Variants in MYCBP2 observed in about 807,000 individuals in gnomAD.
MYCBP2 encodes the protein MYC binding protein 2, also known as E3 ubiquitin-protein ligase MYCBP2.
Under a neutral mutation model 525.3 loss-of-function variants are expected in MYCBP2, and 120 were observed. That is an observed-to-expected ratio of 0.23 (90% CI 0.20 to 0.27). The LOEUF is 0.27. Among genes scored for constraint, MYCBP2 ranks in the 10% least tolerant of loss-of-function variants. MYCBP2 has a pLI of 1.00. For synonymous variants in MYCBP2, 1,894 were observed against 1,955.8 expected, an observed-to-expected ratio of 0.97 and a Z score of 0.83; for missense variants, 4,149 against 5,657.1, an observed-to-expected ratio of 0.73 and a Z score of 8.55.
chr13:77,255,587 C>T (rs1416162019), intron 14 of MYCBP2, among the ~76,000 whole-genome samples: 1 of 151,822 alleles, frequency 6.6e-6, no homozygotes, highest in Non-Finnish European at 1.5e-5. Flanking sequence ...CAGTTATTAT[C>T]CAAAACAAGT....
intron 62 of MYCBP2, among the ~76,000 whole-genome samples, chr13:77,084,956 T>A (rs756041484): frequency 1.3e-5 from 2 of 151,958 alleles, no homozygotes; most frequent in Non-Finnish European, 2.9e-5. Flanking sequence ...TTCCCAATTG[T>A]GGGGCTTACC....
At chr13:77,200,093 T>C (rs1179983392) in intron 26 of MYCBP2, among the ~76,000 whole-genome samples, 1 of 152,084 alleles carries the variant, frequency 6.6e-6, no homozygotes, top group Admixed American at 6.6e-5. Flanking sequence ...CAAATTACTC[T>C]GAGCTACGGG....
intron 80 of MYCBP2, among the ~76,000 whole-genome samples, chr13:77,055,306 T>C (rs2037720786): frequency 6.6e-6 from 1 of 152,132 alleles, no homozygotes; most frequent in Non-Finnish European, 1.5e-5. Context: ...CAACAGGTTA[T>C]TACTGATGGG....
intron 2 of MYCBP2, among the ~76,000 whole-genome samples, chr13:77,288,838 A>C (rs917099201): frequency 1.3e-5 from 2 of 152,162 alleles, no homozygotes; most frequent in Admixed American, 1.3e-4. Context: ...AAAAACACTT[A>C]ATTTTCATCA....
intron 21 of MYCBP2, among the ~76,000 whole-genome samples, chr13:77,215,361 G>T (rs1309712102): frequency 6.6e-6 from 1 of 152,088 alleles, no homozygotes; most frequent in African/African-American, 2.4e-5. Context: ...GGTGGGAGGG[G>T]AAAGAGCAAG....
chr13:77,097,467 C>T lies in MYCBP2; in HGVS notation c.9687G>A (p.Gln3229=), dbSNP rs751868128. 1 of 1,613,526 alleles carries T rather than the reference C, an allele frequency of 6.2e-7. No homozygotes were observed. The highest frequency in any genetic ancestry group is 1.3e-5 in the African/African-American group (1 of 75,018). Residue 3229 remains glutamine (Q), a synonymous_variant, in exon 56 of 83, where the codon CAG becomes CAA. Transcript: ENST00000544440. The part of the protein sequence containing the change: ...PRGNLFGEMA[Q]LAVGGPEKDT... Reference sequence around the variant, plus strand: ...CTTTCTCTGGTCCTCCTACTGCCAGCTGGGCCATCTCTCCAAACAAATTAC... The same window carrying T: ...CTTTCTCTGGTCCTCCTACTGCCAGTTGGGCCATCTCTCCAAACAAATTAC...
chr13:77,259,675 C>T (rs1238720143), intron 13 of MYCBP2, among the ~76,000 whole-genome samples: 1 of 152,052 alleles, frequency 6.6e-6, no homozygotes, highest in African/African-American at 2.4e-5. Flanking sequence ...GTGTAATTTC[C>T]CCAGCATGGG....
At chr13:77,166,966 A>AATACACACATACACAC (rs1457724056) in intron 40 of MYCBP2, among the ~76,000 whole-genome samples, 3 of 123,878 alleles carry the variant, frequency 2.4e-5, no homozygotes, top group Admixed American at 9.2e-5. Flanking sequence ...TCAAAGACAA[A>AATACACACATACACAC]ACACACACAT....
At chr13:77,141,561 G>T (rs1468950777) in intron 49 of MYCBP2, among the ~76,000 whole-genome samples, 1 of 151,988 alleles carries the variant, frequency 6.6e-6, no homozygotes, top group Non-Finnish European at 1.5e-5. Context: ...ACCTGAGGTC[G>T]GGAGTTCAAG....
rs1404007376 is a variant in MYCBP2, at chr13:77,185,339, C to G, written c.4483G>C (p.Ala1495Pro). The G allele has an allele frequency of 1.2e-6, 2 of 1,613,546 alleles. No homozygotes were observed. The highest frequency in any genetic ancestry group is 2.2e-5 in the East Asian group (1 of 44,862). ...KAVVEETSKLAECIGKTRTLL... is the reference protein window; with the variant it reads ...KAVVEETSKLPECIGKTRTLL... ...GTTCTGGTTTTTCCAATACACTCTGCTAATTTGCTAGTTTCTTCTACAACT... is the reference window on the plus strand; with the variant it reads ...GTTCTGGTTTTTCCAATACACTCTGGTAATTTGCTAGTTTCTTCTACAACT... The change falls in exon 32 of 83, where the codon GCA (alanine) becomes CCA (proline). Residue 1495 changes from alanine (A) to proline (P), a missense_variant. This residue lies in a region of MYCBP2 where 292 missense variants were observed against 330.5 expected (regional missense o/e 0.88). Coordinates refer to ENST00000544440, the MANE Select transcript of MYCBP2 (RefSeq NM_015057.5).
intron 39 of MYCBP2, among the ~76,000 whole-genome samples, chr13:77,169,345 G>C (rs923513862): frequency 3.4e-5 from 5 of 146,660 alleles, no homozygotes; most frequent in Admixed American, 1.4e-4. Context: ...GCAGTGAGCG[G>C]AGATCGCGCC....
intron 75 of MYCBP2, 61 bp from the exon 76 acceptor site, chr13:77,061,362 AT>A: frequency 7.4e-7 from 1 of 1,345,444 alleles, no homozygotes; most frequent in South Asian, 1.5e-5. Context: ...AAGGGAGAGT[AT>A]AAAATTTAAT....
In MYCBP2 at chr13:77,098,600, G is replaced by C; in HGVS notation, c.8554C>G (p.Gln2852Glu). 3 of 1,613,598 alleles carry C rather than the reference G, an allele frequency of 1.9e-6. No individual in the cohort carries two copies. Among genetic ancestry groups the C allele is most frequent in the Non-Finnish European group, 2.5e-6 (3 of 1,179,754 alleles). Residue 2852 changes from glutamine (Q) to glutamate (E), a missense_variant, in exon 56 of 83, where the codon CAA becomes GAA. By Grantham distance (29) the Gln-to-Glu change is conservative. Transcript: ENST00000544440. ...SSSPHDKNLP[Q>E]KSTAPVKTKL... ...GTCTTAACAGGAGCAGTACTTTTTT[G>C]AGGTAGATTTTTATCATGTGGTGAG...
chr13:77,181,677 A>G (rs2060233503), intron 33 of MYCBP2, 24 bp downstream of exon 33: 1 of 1,595,612 alleles, frequency 6.3e-7, no homozygotes, highest in Admixed American at 1.7e-5. Context: ...GCCTCTGTAT[A>G]AAAGATTTCA....
At chr13:77,279,324 C>T (rs1188542415) in intron 3 of MYCBP2, among the ~76,000 whole-genome samples, 2 of 152,120 alleles carry the variant, frequency 1.3e-5, no homozygotes, top group Admixed American at 1.3e-4. Context: ...AGGATGATCA[C>T]AAAACAATTT....
At chr13:77,050,280 T>G (rs751980082) in intron 82 of MYCBP2, among the ~76,000 whole-genome samples, 1 of 152,170 alleles carries the variant, frequency 6.6e-6, no homozygotes, top group Admixed American at 6.5e-5. Flanking sequence ...GTGTGTTTTC[T>G]AGCTTTGACA....
At chr13:77,286,742 C>G (rs2076820147) in intron 3 of MYCBP2, among the ~76,000 whole-genome samples, 1 of 68,150 alleles carries the variant, frequency 1.5e-5, no homozygotes, top group African/African-American at 6.5e-5. Context: ...GGCAACAGAG[C>G]TAGACTCCGT....
chr13:77,278,699 A>C, intron 4 of MYCBP2, 59 bp downstream of exon 4: 5 of 1,345,890 alleles, frequency 3.7e-6, no homozygotes, highest in Non-Finnish European at 4.9e-6. Flanking sequence ...AGTGTACAAT[A>C]CTCTATTATT....
intron 61 of MYCBP2, among the ~76,000 whole-genome samples, chr13:77,088,484 C>G (rs1188222815): frequency 6.6e-6 from 1 of 152,094 alleles, no homozygotes; most frequent in African/African-American, 2.4e-5. Flanking sequence ...CAACTTACCA[C>G]TCAAAAGCCC....
Sources: gnomAD v4.1 joint callset for allele counts (sites outside exome capture counted in the v4.1 genomes callset) on GRCh38, gnomAD v4.1.1 for gene constraint, gnomAD v4.1.1 regional missense constraint, MANE v1.5 for transcripts, NCBI Gene and HGNC (gene_info 2026-07-23, HGNC 2026-07-21) for gene names.